Variants in FARS2 observed in about 807,000 individuals in gnomAD.
The protein encoded by FARS2 is phenylalanine--tRNA ligase, mitochondrial.
Under a neutral mutation model 46.4 loss-of-function variants are expected in FARS2, and 40 were observed. The ratio of observed to expected loss-of-function variants is 0.86; its 90% CI spans 0.67 to 1.12. The LOEUF is 1.12. Among genes scored for constraint, FARS2 ranks in the 50% most tolerant of loss-of-function variants. The probability of loss-of-function intolerance (pLI) is 0.00; values close to 1 mark genes in which losing one functional copy is unlikely to be tolerated. For missense variants in FARS2, 513 were observed against 567.9 expected, an observed-to-expected ratio of 0.90 and a Z score of 0.98; for synonymous variants, 234 against 214.9, an observed-to-expected ratio of 1.09 and a Z score of -0.78.
intron 1 of FARS2, among the ~76,000 whole-genome samples, chr6:5,289,758 A>G (rs1767375127): frequency 6.6e-6 from 1 of 152,238 alleles, no homozygotes; most frequent in Non-Finnish European, 1.5e-5. Context: ...GGGACCAATC[A>G]GAGATACTTT....
intron 2 of FARS2, among the ~76,000 whole-genome samples, chr6:5,397,106 T>G (rs1228698024): frequency 6.6e-6 from 1 of 152,076 alleles, no homozygotes; most frequent in African/African-American, 2.4e-5. Context: ...ATAAAAATGG[T>G]TTTTAACAAA....
At chr6:5,351,346 C>A (rs1352667624) in intron 1 of FARS2, among the ~76,000 whole-genome samples, 2 of 152,140 alleles carry the variant, frequency 1.3e-5, no homozygotes, top group Non-Finnish European at 2.9e-5. Flanking sequence ...AGGGACTGGA[C>A]AGGGAGATAT....
chr6:5,296,129 CTTTTTTTTTTTT>C (rs70974187), intron 1 of FARS2, among the ~76,000 whole-genome samples: 13 of 55,040 alleles, frequency 2.4e-4, no homozygotes, highest in African/African-American at 4.4e-4. Context: ...TCATTTTGGC[CTTTTTTTTTTTT>C]TTTTTTTTTT....
At chr6:5,602,349 A>T (rs572760937) in intron 5 of FARS2, among the ~76,000 whole-genome samples, 1 of 152,260 alleles carries the variant, frequency 6.6e-6, no homozygotes, top group South Asian at 2.1e-4. Flanking sequence ...CAGTCATGGA[A>T]CGATAAAAGG....
intron 6 of FARS2, among the ~76,000 whole-genome samples, chr6:5,623,973 G>A (rs1775908773): frequency 1.3e-5 from 2 of 152,194 alleles, no homozygotes; most frequent in Admixed American, 6.5e-5. Context: ...AGAGCCATGG[G>A]TACAGGGAGC....
intron 1 of FARS2, among the ~76,000 whole-genome samples, chr6:5,267,451 C>T (rs996604257): frequency 6.6e-6 from 1 of 151,834 alleles, no homozygotes; most frequent in African/African-American, 2.4e-5. Flanking sequence ...GGAGCTTTGC[C>T]ATGAAAAGAA....
At chr6:5,297,066 C>A (rs914143932) in intron 1 of FARS2, among the ~76,000 whole-genome samples, 1 of 152,212 alleles carries the variant, frequency 6.6e-6, no homozygotes. Flanking sequence ...CCAATTTCTT[C>A]ACATAGGAGA....
chr6:5,324,613 C>T (rs1770227819), intron 1 of FARS2, among the ~76,000 whole-genome samples: 1 of 151,930 alleles, frequency 6.6e-6, no homozygotes, highest in African/African-American at 2.4e-5. Flanking sequence ...CAGTTGAGCC[C>T]TTTTGTGAGG....
chr6:5,442,963 G>C (rs764146653), intron 4 of FARS2, among the ~76,000 whole-genome samples: 4 of 152,154 alleles, frequency 2.6e-5, no homozygotes, highest in Non-Finnish European at 4.4e-5. Context: ...CAACTGTTGT[G>C]TTAGGTGTTG....
chr6:5,374,192 A>T (rs578187524), intron 2 of FARS2, among the ~76,000 whole-genome samples: 1 of 152,136 alleles, frequency 6.6e-6, no homozygotes, highest in East Asian at 1.9e-4. Flanking sequence ...TGGGTGTTGG[A>T]TGCAGAGAAA....
chr6:5,511,918 T>A (rs1185286989), intron 4 of FARS2, among the ~76,000 whole-genome samples: 1 of 152,226 alleles, frequency 6.6e-6, no homozygotes, highest in Non-Finnish European at 1.5e-5. Context: ...CATTCATTAA[T>A]CAGAACTTTT....
intron 3 of FARS2, among the ~76,000 whole-genome samples, chr6:5,416,019 T>C (rs933488923): frequency 6.6e-6 from 1 of 152,232 alleles, no homozygotes; most frequent in Non-Finnish European, 1.5e-5. Context: ...ATTATCTTTT[T>C]ATTGATTTTT....
chr6:5,739,473 G>A (rs1561831557), intron 6 of FARS2, among the ~76,000 whole-genome samples: 1 of 152,150 alleles, frequency 6.6e-6, no homozygotes, highest in African/African-American at 2.4e-5. Flanking sequence ...ACAAAATAAA[G>A]CAGTGGATTG....
chr6:5,328,376 A>G (rs1770546926), intron 1 of FARS2, among the ~76,000 whole-genome samples: 2 of 152,190 alleles, frequency 1.3e-5, no homozygotes, highest in Non-Finnish European at 2.9e-5. Flanking sequence ...AGCATGAGTG[A>G]TACAAAGTTA....
chr6:5,734,615 C>T (rs1167707308), intron 6 of FARS2, among the ~76,000 whole-genome samples: 1 of 152,134 alleles, frequency 6.6e-6, no homozygotes, highest in African/African-American at 2.4e-5. Context: ...CTTAACATAG[C>T]CAGATAGTAG....
chr6:5,716,287 A>C (rs1255707544), intron 6 of FARS2, among the ~76,000 whole-genome samples: 2 of 152,224 alleles, frequency 1.3e-5, no homozygotes, highest in Non-Finnish European at 2.9e-5. Context: ...CTCATACTTA[A>C]AAGAAAATTA....
intron 6 of FARS2, among the ~76,000 whole-genome samples, chr6:5,734,227 C>T (rs1760809273): frequency 6.6e-6 from 1 of 152,144 alleles, no homozygotes; most frequent in Non-Finnish European, 1.5e-5. Context: ...CCTCTTCCTG[C>T]CCCCCGCAGA....
chr6:5,384,337 G>C (rs1286781166), intron 2 of FARS2, among the ~76,000 whole-genome samples: 2 of 152,200 alleles, frequency 1.3e-5, no homozygotes, highest in Non-Finnish European at 2.9e-5. Context: ...AAAGCAAATG[G>C]CCAGATTTCC....
intron 1 of FARS2, among the ~76,000 whole-genome samples, chr6:5,348,247 G>T (rs532682982): frequency 4.7e-4 from 72 of 152,110 alleles, no homozygotes; most frequent in Admixed American, 6.5e-4. Context: ...CCACTCCAAG[G>T]TATGAAAGCA....
Sources: gnomAD v4.1 joint callset for allele counts (sites outside exome capture counted in the v4.1 genomes callset) on GRCh38, gnomAD v4.1.1 for gene constraint, MANE v1.5 for transcripts, NCBI Gene and HGNC (gene_info 2026-07-23, HGNC 2026-07-21) for gene names.